ELMO1: variants seen among roughly 807,000 people sequenced by gnomAD.
ELMO1 encodes the protein engulfment and cell motility protein 1.
ELMO1 carries 26 observed loss-of-function variants against 98.9 expected under a neutral mutation model. The ratio of observed to expected loss-of-function variants is 0.26; its 90% CI spans 0.19 to 0.36. The LOEUF (loss-of-function observed/expected upper bound fraction) is 0.36. Among genes scored for constraint, ELMO1 ranks in the 10% least tolerant of loss-of-function variants. The pLI is 1.00. For missense variants in ELMO1, 627 were observed against 935.2 expected, an observed-to-expected ratio of 0.67 and a Z score of 4.30; for synonymous variants, 346 against 346.0, an observed-to-expected ratio of 1.00 and a Z score of 0.00.
chr7:37,445,477 C>A (rs1449673104), intron 1 of ELMO1, among the ~76,000 whole-genome samples: 1 of 152,162 alleles, frequency 6.6e-6, no homozygotes, highest in Non-Finnish European at 1.5e-5. Context: ...CATTAGGCAA[C>A]CTGATGAAGT....
chr7:37,436,327 C>T (rs928542961), intron 1 of ELMO1, among the ~76,000 whole-genome samples: 13 of 152,330 alleles, frequency 8.5e-5, no homozygotes, highest in South Asian at 6.2e-4. Flanking sequence ...ATGTTTACCA[C>T]TCTCCTAGGT....
At chr7:37,133,278 A>AT in intron 13 of ELMO1, 44 bp from the exon 14 acceptor site, 1 of 1,499,058 alleles carries the variant, frequency 6.7e-7, no homozygotes, top group Non-Finnish European at 9.2e-7. Context: ...TCTTCAGCAG[A>AT]TTTTACCAAC....
intron 14 of ELMO1, among the ~76,000 whole-genome samples, chr7:37,127,127 T>C (rs1786581138): frequency 6.6e-6 from 1 of 152,208 alleles, no homozygotes; most frequent in African/African-American, 2.4e-5. Context: ...ATGTTACTTC[T>C]CCTATCACTA....
intron 4 of ELMO1, among the ~76,000 whole-genome samples, chr7:37,272,402 T>C (rs1045908324): frequency 2.0e-5 from 3 of 152,246 alleles, no homozygotes; most frequent in African/African-American, 4.8e-5. Flanking sequence ...GCGTGGTGGC[T>C]CACACCTGTA....
chr7:37,336,508 C>T (rs1007436841), intron 2 of ELMO1, among the ~76,000 whole-genome samples: 7 of 152,134 alleles, frequency 4.6e-5, no homozygotes, highest in African/African-American at 1.7e-4. Flanking sequence ...AACATGGACT[C>T]TAAGACAAAG....
At chr7:36,958,892 A>G (rs1486323928) in intron 16 of ELMO1, among the ~76,000 whole-genome samples, 2 of 151,798 alleles carry the variant, frequency 1.3e-5, no homozygotes, top group African/African-American at 4.8e-5. Flanking sequence ...ACTACAAATT[A>G]TGTCTCTAGT....
intron 16 of ELMO1, among the ~76,000 whole-genome samples, chr7:36,963,293 A>T (rs1481223296): frequency 6.6e-6 from 1 of 152,140 alleles, no homozygotes; most frequent in African/African-American, 2.4e-5. Context: ...CAGGAGAATC[A>T]CTTGAACCTG....
intron 15 of ELMO1, among the ~76,000 whole-genome samples, chr7:37,018,846 C>T (rs1022002302): frequency 1.1e-4 from 17 of 152,290 alleles, no homozygotes; most frequent in African/African-American, 4.1e-4. Context: ...TATTTTTAAT[C>T]ATCATTCTCA....
At chr7:37,022,660 A>T (rs1351007932) in intron 15 of ELMO1, among the ~76,000 whole-genome samples, 1 of 152,246 alleles carries the variant, frequency 6.6e-6, no homozygotes, top group East Asian at 1.9e-4. Flanking sequence ...CCACTTTGTA[A>T]AACAGTTTAG....
chr7:37,212,497 A>G (rs1185728722), intron 12 of ELMO1, among the ~76,000 whole-genome samples: 2 of 152,130 alleles, frequency 1.3e-5, no homozygotes, highest in African/African-American at 4.8e-5. Context: ...TGCCACTAGA[A>G]GTGGTAAGAT....
At chr7:36,978,139 T>C (rs963478140) in intron 16 of ELMO1, among the ~76,000 whole-genome samples, 3 of 152,174 alleles carry the variant, frequency 2.0e-5, no homozygotes, top group South Asian at 2.1e-4. Context: ...CAGTGGATAT[T>C]AGCAAGTCAA....
At chr7:37,039,932 C>T (rs1367873572) in intron 15 of ELMO1, among the ~76,000 whole-genome samples, 7 of 152,112 alleles carry the variant, frequency 4.6e-5, no homozygotes, top group Non-Finnish European at 1.0e-4. Context: ...AATGTTATCA[C>T]AGAAAATTCT....
chr7:37,055,121 A>G lies in ELMO1; in HGVS notation c.1300+41498T>C, dbSNP rs1796324444. 3.3e-5 allele frequency among the ~76,000 whole-genome samples: 5 copies of G among 152,242 alleles called. No individual in the cohort carries two copies. In the South Asian group the frequency reaches 1.0e-3, roughly 31 times the overall value. On this transcript the variant is annotated intron_variant, in intron 15 of 21. Transcript: ENST00000310758. Reference sequence around the variant, plus strand: ...AAGCGGTTGTGACTCATCCTGCAACATAAACACTGGACATTAAAATGAATG... The same window carrying G: ...AAGCGGTTGTGACTCATCCTGCAACGTAAACACTGGACATTAAAATGAATG...
chr7:37,376,722 CAG>C (rs1256435672), intron 1 of ELMO1, among the ~76,000 whole-genome samples: 2 of 152,220 alleles, frequency 1.3e-5, no homozygotes, highest in African/African-American at 4.8e-5. Flanking sequence ...TCCAAGCTCT[CAG>C]AGAGGCAGAT....
chr7:36,934,511 C>T (rs1336839667), intron 16 of ELMO1, among the ~76,000 whole-genome samples: 1 of 152,090 alleles, frequency 6.6e-6, no homozygotes, highest in Non-Finnish European at 1.5e-5. Flanking sequence ...TAAGGGCTCA[C>T]AGCTGTGTAC....
At chr7:36,971,807 T>A (rs949343168) in intron 16 of ELMO1, among the ~76,000 whole-genome samples, 8 of 152,152 alleles carry the variant, frequency 5.3e-5, no homozygotes, top group Admixed American at 3.9e-4. Context: ...GCGGGTCCTT[T>A]TCTAAAAAAG....
At chr7:37,133,307 C>T (rs1014011956) in intron 13 of ELMO1, 73 bp from the exon 14 acceptor site, 9 of 1,189,188 alleles carry the variant, frequency 7.6e-6, no homozygotes, top group African/African-American at 7.6e-5. Context: ...ATCTGATTTC[C>T]CTCCTCAAGA....
intron 13 of ELMO1, among the ~76,000 whole-genome samples, chr7:37,209,905 A>AAT (rs1465219983): frequency 1.6e-4 from 25 of 152,264 alleles, no homozygotes; most frequent in Middle Eastern, 3.4e-3. Flanking sequence ...CGAAACATAA[A>AAT]ATATAATGAT....
In ELMO1 at chr7:36,954,753, A is replaced by G. The variant is rs146390643; in HGVS notation, c.1437+58546T>C. On this transcript the variant is annotated intron_variant, in intron 16 of 21. Transcript: ENST00000310758. ...CACATAACTTTTAAGATCTTTTAGG[A>G]CAGTTTCTACAAGAAAATGGTCTCC... Among the ~76,000 whole-genome samples, 8 of 152,272 alleles carry G rather than the reference A, an allele frequency of 5.3e-5. No homozygotes were observed. In the East Asian group the frequency reaches 1.5e-3, roughly 29 times the overall value.
Sources: allele counts gnomAD v4.1 joint callset (sites outside exome capture counted in the v4.1 genomes callset), GRCh38; gene constraint gnomAD v4.1.1; transcripts MANE v1.5; gene names NCBI Gene and HGNC (gene_info 2026-07-23, HGNC 2026-07-21).